Variants in URB1 observed in about 807,000 individuals in gnomAD.
The protein encoded by URB1 is nucleolar pre-ribosomal-associated protein 1.
In URB1, 197 loss-of-function variants were observed where a neutral mutation model predicts 242.3. That is an observed-to-expected ratio of 0.81 (90% confidence interval 0.72 to 0.91). URB1 has a LOEUF of 0.91. Among genes scored for constraint, URB1 ranks in the 40% least tolerant of loss-of-function variants. The probability of loss-of-function intolerance (pLI) is 0.00; values close to 1 mark genes in which losing one functional copy is unlikely to be tolerated. For synonymous variants in URB1, 1,153 were observed against 1,201.8 expected (o/e 0.96, Z 0.84); for missense variants, 2,721 against 2,860.5 (o/e 0.95, Z 1.11).
At chr21:32,361,758 A>T (rs903506587) in intron 12 of URB1, 134 bp downstream of exon 12, 2 of 1,275,734 alleles carry the variant, frequency 1.6e-6, no homozygotes, top group Admixed American at 5.9e-5. Flanking sequence ...AAGGATATAG[A>T]CACATTCACA....
chr21:32,341,800 G>A (rs796251418), intron 24 of URB1, among the ~76,000 whole-genome samples: 19 of 152,176 alleles, frequency 1.2e-4, no homozygotes, highest in African/African-American at 4.3e-4. Flanking sequence ...AATGTGCGTG[G>A]GAAAAATCAC....
chr21:32,357,972 T>C (rs1298726566), intron 14 of URB1, among the ~76,000 whole-genome samples: 2 of 152,210 alleles, frequency 1.3e-5, no homozygotes, highest in African/African-American at 4.8e-5. Context: ...GATGTTGCAG[T>C]GAGTCCAGAT....
chr21:32,337,309 C>T, intron 27 of URB1, 95 bp downstream of exon 27: 1 of 1,361,470 alleles, frequency 7.3e-7, no homozygotes, highest in Non-Finnish European at 1.0e-6. Context: ...TCTCCTCCTG[C>T]TCACATCCCT....
chr21:32,360,480 A>C (rs1234127981), intron 13 of URB1, among the ~76,000 whole-genome samples: 4 of 152,318 alleles, frequency 2.6e-5, no homozygotes, highest in South Asian at 4.1e-4. Context: ...AATTCCAAGA[A>C]TGATATTTTT....
chr21:32,383,623 A>T (rs1470593659), intron 3 of URB1, 69 bp from the exon 4 acceptor site: 3 of 1,437,020 alleles, frequency 2.1e-6, no homozygotes, highest in Non-Finnish European at 2.8e-6. Flanking sequence ...CTCACCACAA[A>T]GCCAGCTGCA....
rs2033655915 is a variant in URB1, at chr21:32,392,864, G to C, written c.47C>G (p.Ala16Gly). 1 of 1,533,326 alleles carries C rather than the reference G, an allele frequency of 6.5e-7. No individual in the cohort carries two copies. Among genetic ancestry groups the C allele is most frequent in the Admixed American group, 2.0e-5 (1 of 50,816 alleles). 95.0% of individuals were successfully genotyped at this position (1,533,326 alleles called of 1,614,324 possible). A position where few individuals can be genotyped will look rare whatever the true frequency, so the allele number is the denominator to read the frequency against. Residue 16 changes from alanine to glycine, a missense_variant, in exon 1 of 39, where the codon GCT becomes GGT. By Grantham distance (60) the Ala-to-Gly change is moderately conservative. Coordinates refer to ENST00000382751, the MANE Select transcript of URB1 (RefSeq NM_014825.3). ...GCGCTTGGCTGCACCCGCGGAGGAA[G>C]CCGCGCCGTCCTGGCCGCCCGAGGC... The part of the protein sequence containing the change: ...RKASGGQDGA[A>G]SSAGAAKRAR...
At chr21:32,326,915 A>C (rs1490395667) in intron 30 of URB1, among the ~76,000 whole-genome samples, 1 of 152,242 alleles carries the variant, frequency 6.6e-6, no homozygotes, top group Admixed American at 6.5e-5. Context: ...AAAAAGGATT[A>C]GCGAACTTAA....
In URB1 at chr21:32,344,554, A is replaced by G. The variant is rs1217883030; in HGVS notation, c.4257+16T>C. 3.2e-6 allele frequency: 5 copies of G among 1,550,556 alleles called. No homozygotes were observed. The highest frequency in any genetic ancestry group is 4.4e-6 in the Non-Finnish European group (5 of 1,146,146). On this transcript the variant is annotated intron_variant, in intron 24 of 38. Coordinates refer to ENST00000382751, the MANE Select transcript of URB1 (RefSeq NM_014825.3). ...CCACAGAAATTTAATCTGGATCTCT[A>G]AGAAAAGACACTTACCAACAACGCA... is the stretch of plus-strand genomic sequence containing the variant.
intron 1 of URB1, 123 bp from the exon 2 acceptor site, chr21:32,385,807 G>T: frequency 7.9e-7 from 1 of 1,264,000 alleles, no homozygotes; most frequent in Non-Finnish European, 1.1e-6. Context: ...CTGCACAGAA[G>T]CTACTATGAA....
At chr21:32,392,511 T>C (rs1456276567) in intron 1 of URB1, among the ~76,000 whole-genome samples, 1 of 152,180 alleles carries the variant, frequency 6.6e-6, no homozygotes, top group Admixed American at 6.5e-5. Flanking sequence ...CGCTGAGGGA[T>C]GCTGCCTGGG....
At chr21:32,322,412 T>C in intron 33 of URB1, 66 bp downstream of exon 33, 1 of 1,384,446 alleles carries the variant, frequency 7.2e-7, no homozygotes, top group Non-Finnish European at 1.0e-6. Flanking sequence ...AATGTCAGAA[T>C]GACAACGGTG....
intron 10 of URB1, among the ~76,000 whole-genome samples, chr21:32,365,613 T>C (rs1342142224): frequency 2.6e-5 from 4 of 152,332 alleles, no homozygotes; most frequent in African/African-American, 9.6e-5. Flanking sequence ...GGTGCTAATT[T>C]TGCATACGAT....
In URB1 at chr21:32,314,557, C is replaced by G. The variant is rs549308396; in HGVS notation, c.*361G>C. The G allele has an allele frequency of 6.2e-7, 1 of 1,613,574 alleles. No homozygotes were observed. The highest frequency in any genetic ancestry group is 8.5e-7 in the Non-Finnish European group (1 of 1,179,558). On this transcript the variant is annotated 3_prime_UTR_variant, in exon 39 of 39. Transcript: ENST00000382751. ...ATACCTTTTGACATTTCAGCTTTAA[C>G]ACAGATGAATCTCTTCTGCATTCAG... is the stretch of plus-strand genomic sequence containing the variant.
chr21:32,389,303 G>C lies in URB1; in HGVS notation c.142+3466C>G, dbSNP rs147781483. 6.0e-3 allele frequency among the ~76,000 whole-genome samples: 914 copies of C among 152,294 alleles called. 9 individuals carry two copies. The highest frequency in any genetic ancestry group is 0.021 in the African/African-American group (888 of 41,538). ...GAGGGCAGCCTGAGATGAAGTCAAA[G>C]AAGCAGGCAGGGCTAGATGAAGCAA... On this transcript the variant is annotated intron_variant, in intron 1 of 38. Coordinates refer to ENST00000382751, the MANE Select transcript of URB1 (RefSeq NM_014825.3).
chr21:32,344,425 G>C (rs2033062773), intron 24 of URB1, 145 bp downstream of exon 24: 1 of 827,748 alleles, frequency 1.2e-6, no homozygotes, highest in African/African-American at 1.7e-5. Flanking sequence ...TCCAGTATCT[G>C]CCACTCTGCC....
intron 18 of URB1, 142 bp from the exon 19 acceptor site, chr21:32,353,048 G>A (rs924197088): frequency 3.6e-6 from 3 of 844,522 alleles, no homozygotes; most frequent in Non-Finnish European, 5.4e-6. Context: ...CCACAGGGAA[G>A]GAATTGCTAC....
chr21:32,327,085 A>C (rs889434332), intron 30 of URB1, among the ~76,000 whole-genome samples: 1 of 152,206 alleles, frequency 6.6e-6, no homozygotes, highest in African/African-American at 2.4e-5. Flanking sequence ...CTATAAACCT[A>C]GACAGCCAAG....
chr21:32,373,480 C>T (rs1341723346), intron 7 of URB1, among the ~76,000 whole-genome samples, 167 bp downstream of exon 7: 4 of 151,912 alleles, frequency 2.6e-5, no homozygotes, highest in Non-Finnish European at 4.4e-5. Context: ...GGAAAAAAAT[C>T]CTATTGCAGT....
chr21:32,372,508 T>C lies in URB1; in HGVS notation c.1000A>G (p.Arg334Gly), dbSNP rs992223315. 3.2e-6 allele frequency: 5 copies of C among 1,551,132 alleles called. No homozygotes were observed. The highest frequency in any genetic ancestry group is 3.5e-6 in the Non-Finnish European group (4 of 1,146,950). Reference sequence around the variant, plus strand: ...GTCCACAAGAGTGTTATACTTTACCTGCCAAAGGTACCCAAAGATGCATCG... The same window carrying C: ...GTCCACAAGAGTGTTATACTTTACCCGCCAAAGGTACCCAAAGATGCATCG... The part of the protein sequence containing the change: ...FYDASLGTFG[R>G]GGNLTLLHFL... The change falls in exon 8 of 39, where the codon AGA becomes GGA. Residue 334 changes from arginine to glycine, a missense_variant and splice_region_variant. By Grantham distance (125) the Arg-to-Gly change is moderately radical. Coordinates refer to ENST00000382751, the MANE Select transcript of URB1 (RefSeq NM_014825.3).
Sources: allele counts gnomAD v4.1 joint callset (sites outside exome capture counted in the v4.1 genomes callset), GRCh38; gene constraint gnomAD v4.1.1; transcripts MANE v1.5; gene names NCBI Gene and HGNC (gene_info 2026-07-23, HGNC 2026-07-21).